Variants in PBLD observed in about 807,000 individuals in gnomAD.
The protein encoded by PBLD is phenazine biosynthesis like protein domain containing, also known as phenazine biosynthesis-like domain-containing protein.
A neutral mutation model predicts 31.3 loss-of-function variants in PBLD; 26 were observed. The ratio of observed to expected loss-of-function variants is 0.83; its 90% confidence interval spans 0.61 to 1.15. The LOEUF (loss-of-function observed/expected upper bound fraction) is 1.15, where lower values mean the gene tolerates loss of function less well. Ranked by LOEUF, PBLD falls within the 50% of genes most tolerant of loss-of-function variation. PBLD has a pLI of 0.00. For synonymous variants in PBLD, 114 were observed against 129.0 expected (o/e 0.88, Z 0.79); for missense variants, 307 against 351.7 (o/e 0.87, Z 1.02).
intron 1 of PBLD, among the ~76,000 whole-genome samples, chr10:68,307,344 T>C (rs1360683488): frequency 6.6e-6 from 1 of 152,182 alleles, no homozygotes; most frequent in Non-Finnish European, 1.5e-5. Flanking sequence ...CCCTAACTTT[T>C]TAAAACCTCT....
At chr10:68,289,079 T>TTTCAGGGGATCAA in intron 6 of PBLD, 60 bp from the exon 7 acceptor site, 1 of 1,325,230 alleles carries the variant, frequency 7.5e-7, no homozygotes, top group Non-Finnish European at 1.1e-6. Context: ...CTTGATCCCC[T>TTTCAGGGGATCAA]GAAATGGGAA....
chr10:68,292,598 C>T (rs1188376637), intron 4 of PBLD, among the ~76,000 whole-genome samples: 1 of 151,936 alleles, frequency 6.6e-6, no homozygotes, highest in Non-Finnish European at 1.5e-5. Flanking sequence ...TACCCTCTGC[C>T]TCCCACATTC....
In PBLD at chr10:68,296,968, CATGT is replaced by C; in HGVS notation, c.98_101del (p.Asp33GlyfsTer9). On this transcript the variant is annotated frameshift_variant, in exon 3 of 10. Transcript: ENST00000358769. LOFTEE classifies it high-confidence loss of function. ...TCATCTCCCTTGCAATTTTCTGATG[CATGT>C]CTTCATCCAATTCCTTAATTAGAAA... 2 of 1,613,198 alleles carry C rather than the reference CATGT, an allele frequency of 1.2e-6. No individual in the cohort carries two copies. The highest frequency in any genetic ancestry group is 1.7e-6 in the Non-Finnish European group (2 of 1,179,194).
In PBLD at chr10:68,318,375, T is replaced by TAAAAAA. The variant is rs34722771; in HGVS notation, c.-59-11478_-59-11473dup. Among the ~76,000 whole-genome samples the TAAAAAA allele has an allele frequency of 2.1e-4, 11 of 51,276 alleles. 1 individual carries two copies. The highest frequency in any genetic ancestry group is 6.5e-4 in the Admixed American group (2 of 3,096). The allele number at this position is 51,276 out of a possible 152,430, so 33.6% of individuals were successfully genotyped here. ...TAACACAGCAAGACCCTGCCTCTAT[T>TAAAAAA]AAAAAAAAAAAAAAAAAAAAAAAAA... On this transcript the variant is annotated intron_variant, in intron 1 of 9. Coordinates refer to ENST00000358769, the MANE Select transcript of PBLD (RefSeq NM_022129.4).
intron 1 of PBLD, among the ~76,000 whole-genome samples, chr10:68,313,485 C>T (rs952262824): frequency 2.0e-5 from 3 of 152,096 alleles, no homozygotes; most frequent in Non-Finnish European, 2.9e-5. Context: ...GCATACTTCC[C>T]GGATGTCACA....
At chr10:68,308,333 G>A (rs1163232649) in intron 1 of PBLD, among the ~76,000 whole-genome samples, 2 of 152,086 alleles carry the variant, frequency 1.3e-5, no homozygotes, top group Non-Finnish European at 2.9e-5. Context: ...GATCAAACCT[G>A]TTAAATGTAA....
At chr10:68,290,149 G>A (rs1402198328) in intron 6 of PBLD, among the ~76,000 whole-genome samples, 1 of 152,088 alleles carries the variant, frequency 6.6e-6, no homozygotes, top group Non-Finnish European at 1.5e-5. Flanking sequence ...AGCCCCAGCT[G>A]CCAGGCCCAG....
chr10:68,286,541 G>A (rs564468725), intron 8 of PBLD, among the ~76,000 whole-genome samples: 1 of 152,044 alleles, frequency 6.6e-6, no homozygotes, highest in East Asian at 1.9e-4. Flanking sequence ...GTCTCCCTAT[G>A]TTGCTTAGGC....
chr10:68,332,488 G>C (rs570724290), intron 1 of PBLD, among the ~76,000 whole-genome samples: 13 of 152,234 alleles, frequency 8.5e-5, no homozygotes, highest in Non-Finnish European at 1.8e-4. Context: ...TTCCCTGCTG[G>C]CTTGGCCTCC....
chr10:68,292,072 A>G (rs761455916), intron 5 of PBLD, 33 bp from the exon 6 acceptor site: 2 of 1,596,176 alleles, frequency 1.3e-6, no homozygotes, highest in African/African-American at 2.7e-5. Context: ...AAATTATTAT[A>G]AAACAGGAGA....
At chr10:68,305,815 A>G (rs1564731949) in intron 2 of PBLD, among the ~76,000 whole-genome samples, 1 of 152,144 alleles carries the variant, frequency 6.6e-6, no homozygotes. Flanking sequence ...GCCTGTTGTA[A>G]TTGCTCTAGA....
At chr10:68,326,299 T>C (rs968776221) in intron 1 of PBLD, among the ~76,000 whole-genome samples, 4 of 152,122 alleles carry the variant, frequency 2.6e-5, no homozygotes, top group African/African-American at 9.7e-5. Context: ...TTCGGCCTAC[T>C]AGAGTGCTGG....
At chr10:68,323,395 C>T (rs2044865293) in intron 1 of PBLD, among the ~76,000 whole-genome samples, 1 of 152,120 alleles carries the variant, frequency 6.6e-6, no homozygotes, top group African/African-American at 2.4e-5. Context: ...AAACCCGTCT[C>T]TACTAAAAAT....
At chr10:68,330,009 CAGTGTGT>C (rs2044990878) in intron 1 of PBLD, among the ~76,000 whole-genome samples, 1 of 151,898 alleles carries the variant, frequency 6.6e-6, no homozygotes. Context: ...TGTAAGAGTA[CAGTGTGT>C]AGCTTATGCT....
At chr10:68,297,325 C>T (rs1186550537) in intron 2 of PBLD, among the ~76,000 whole-genome samples, 1 of 152,212 alleles carries the variant, frequency 6.6e-6, no homozygotes, top group Non-Finnish European at 1.5e-5. Flanking sequence ...ACCCCAATCT[C>T]CTTTGCTTTG....
chr10:68,326,655 A>G lies in PBLD; in HGVS notation c.-60+6129T>C, dbSNP rs561144307. ...CAGATTCATTAACAATGCTAGGACAAACACAAATAAATAAAACAGCATGGA... is the reference window on the plus strand; with the variant it reads ...CAGATTCATTAACAATGCTAGGACAGACACAAATAAATAAAACAGCATGGA... On this transcript the variant is annotated intron_variant, in intron 1 of 9. Coordinates refer to ENST00000358769, the MANE Select transcript of PBLD (RefSeq NM_022129.4). 6.8e-4 allele frequency among the ~76,000 whole-genome samples: 104 copies of G among 152,372 alleles called. 5 individuals are homozygous for G. In the South Asian group the frequency reaches 0.021, roughly 31 times the overall value.
intron 1 of PBLD, among the ~76,000 whole-genome samples, chr10:68,318,087 C>T (rs1040404717): frequency 2.0e-5 from 3 of 151,672 alleles, no homozygotes; most frequent in African/African-American, 2.4e-5. Flanking sequence ...ATTAGCCAGG[C>T]GTGGTGGCAG....
intron 4 of PBLD, among the ~76,000 whole-genome samples, chr10:68,295,584 T>C (rs763273759): frequency 2.6e-5 from 4 of 152,120 alleles, no homozygotes; most frequent in Non-Finnish European, 5.9e-5. Flanking sequence ...GAAATGTTCC[T>C]GTTGATCTCC....
At chr10:68,314,701 G>A (rs891110234) in intron 1 of PBLD, among the ~76,000 whole-genome samples, 5 of 151,984 alleles carry the variant, frequency 3.3e-5, no homozygotes, top group African/African-American at 1.2e-4. Context: ...AGGTTCAAGC[G>A]ATTCTCCTTC....
Sources: allele counts gnomAD v4.1 joint callset (sites outside exome capture counted in the v4.1 genomes callset), GRCh38; gene constraint gnomAD v4.1.1; transcripts MANE v1.5; gene names NCBI Gene and HGNC (gene_info 2026-07-23, HGNC 2026-07-21).